RGS3: variants seen among roughly 807,000 people sequenced by gnomAD.
RGS3 encodes the protein regulator of G protein signaling 3, also known as regulator of G-protein signalling 3.
In RGS3, 80 loss-of-function variants were observed where a neutral mutation model predicts 132.6. The ratio of observed to expected loss-of-function variants is 0.60; its 90% CI spans 0.50 to 0.73. The LOEUF (loss-of-function observed/expected upper bound fraction) is 0.73, where lower values mean the gene tolerates loss of function less well. Among genes scored for constraint, RGS3 ranks in the 30% least tolerant of loss-of-function variants. The pLI is 0.00. For synonymous variants in RGS3, 598 were observed against 620.6 expected (o/e 0.96, Z 0.54); for missense variants, 1,382 against 1,530.8 (o/e 0.90, Z 1.62).
chr9:113,465,476 T>TGTGTGTGCGC (rs796647799), intron 3 of RGS3, among the ~76,000 whole-genome samples: 2 of 151,422 alleles, frequency 1.3e-5, no homozygotes, highest in African/African-American at 4.9e-5. Context: ...TGTGTGTGTG[T>TGTGTGTGCGC]GTGTGCCTGT....
At chr9:113,518,495 G>A (rs1229929054) in intron 16 of RGS3, among the ~76,000 whole-genome samples, 1 of 152,228 alleles carries the variant, frequency 6.6e-6, no homozygotes, top group African/African-American at 2.4e-5. Flanking sequence ...TAAGGGCAGG[G>A]TCAGAGGTTG....
intron 17 of RGS3, among the ~76,000 whole-genome samples, chr9:113,527,893 C>T (rs1378104163): frequency 6.6e-6 from 1 of 152,156 alleles, no homozygotes; most frequent in East Asian, 1.9e-4. Context: ...TTTGAGAGGA[C>T]AGAGGAGCTG....
chr9:113,522,813 T>C (rs918267333), intron 16 of RGS3, 117 bp from the exon 15 acceptor site: 19 of 749,204 alleles, frequency 2.5e-5, no homozygotes, highest in African/African-American at 2.2e-4. Context: ...TTGTGTGAGA[T>C]GATGAGGATG....
rs1458520425 is a variant in RGS3, at chr9:113,495,784, A to G, written c.690-2A>G. The G allele has an allele frequency of 6.2e-7, 1 of 1,613,492 alleles. No homozygotes were observed. The highest frequency in any genetic ancestry group is 1.3e-5 in the African/African-American group (1 of 74,932). On this transcript the variant is annotated splice_acceptor_variant, in intron 7 of 24. Transcript: ENST00000350696. LOFTEE classifies it high-confidence loss of function. ...TGACTCAAGTCTCACTTGTTCTCCCAGACAGAGTGGACTCATTGGCTGCAT... is the reference window on the plus strand; with the variant it reads ...TGACTCAAGTCTCACTTGTTCTCCCGGACAGAGTGGACTCATTGGCTGCAT...
intron 11 of RGS3, among the ~76,000 whole-genome samples, chr9:113,505,854 A>G (rs1424400630): frequency 1.3e-5 from 2 of 152,208 alleles, no homozygotes; most frequent in African/African-American, 2.4e-5. Flanking sequence ...GCTGTTTTGT[A>G]TCCTATCCAG....
intron 20 of RGS3, among the ~76,000 whole-genome samples, chr9:113,584,896 G>A (rs1162100362): frequency 1.3e-5 from 2 of 152,160 alleles, no homozygotes; most frequent in East Asian, 1.9e-4. Flanking sequence ...GTATTTTTGT[G>A]CCCATTTTAC....
At chr9:113,589,389 CA>C (rs1397230468) in intron 20 of RGS3, among the ~76,000 whole-genome samples, 1 of 152,176 alleles carries the variant, frequency 6.6e-6, no homozygotes, top group African/African-American at 2.4e-5. Flanking sequence ...GTTTCCCCAG[CA>C]GCCCAGGGGG....
chr9:113,461,655 C>T (rs1829471886), intron 1 of RGS3: 1 of 1,560,518 alleles, frequency 6.4e-7, no homozygotes, highest in East Asian at 2.2e-5. Context: ...AATCTTTGTT[C>T]CCATTACCGG....
chr9:113,551,323 A>G (rs1033452137), intron 19 of RGS3, among the ~76,000 whole-genome samples: 1 of 152,228 alleles, frequency 6.6e-6, no homozygotes, highest in Non-Finnish European at 1.5e-5. Flanking sequence ...TTCATGGCTG[A>G]ATAATATTCT....
chr9:113,504,718 A>T (rs954864365), intron 10 of RGS3, among the ~76,000 whole-genome samples: 1 of 152,222 alleles, frequency 6.6e-6, no homozygotes, highest in African/African-American at 2.4e-5. Flanking sequence ...GAGCATCCAG[A>T]TGGCAAGGCC....
chr9:113,498,954 C>T (rs1343197653), intron 10 of RGS3, among the ~76,000 whole-genome samples: 1 of 144,470 alleles, frequency 6.9e-6, no homozygotes, highest in Non-Finnish European at 1.5e-5. Flanking sequence ...GGACCGGGCA[C>T]GGTGGCTGAT....
intron 17 of RGS3, among the ~76,000 whole-genome samples, chr9:113,527,823 A>G (rs538704519): frequency 6.6e-6 from 1 of 152,156 alleles, no homozygotes; most frequent in South Asian, 2.1e-4. Context: ...GTCTTTGACA[A>G]TTTCTTTACT....
chr9:113,524,897 C>A (rs1832132559), intron 17 of RGS3, among the ~76,000 whole-genome samples: 1 of 152,216 alleles, frequency 6.6e-6, no homozygotes, highest in South Asian at 2.1e-4. Context: ...TGTGCTCCAT[C>A]CTCCACTGGG....
chr9:113,589,080 G>T (rs1317144863), intron 20 of RGS3: 1 of 152,298 alleles, frequency 6.6e-6, no homozygotes, highest in Non-Finnish European at 1.5e-5. Flanking sequence ...TGAAGGAAGG[G>T]CTGTATGGTC....
At chr9:113,515,558 G>C (rs576362218) in intron 15 of RGS3, among the ~76,000 whole-genome samples, 3 of 151,258 alleles carry the variant, frequency 2.0e-5, no homozygotes, top group African/African-American at 7.3e-5. Context: ...TTGAACCTGG[G>C]GGGTGGAGGT....
At chr9:113,474,850 A>T (rs1194579992) in intron 3 of RGS3, among the ~76,000 whole-genome samples, 2 of 152,106 alleles carry the variant, frequency 1.3e-5, no homozygotes, top group Non-Finnish European at 2.9e-5. Flanking sequence ...TCCCACTGGG[A>T]CACATTCCGG....
chr9:113,543,122 G>A (rs1408707157), intron 19 of RGS3, among the ~76,000 whole-genome samples: 1 of 152,256 alleles, frequency 6.6e-6, no homozygotes, highest in African/African-American at 2.4e-5. Flanking sequence ...ATGGGCAAAA[G>A]GGTATCAAGA....
chr9:113,478,159 T>G (rs557923673), intron 3 of RGS3, among the ~76,000 whole-genome samples: 179 of 152,302 alleles, frequency 1.2e-3, no homozygotes, highest in Non-Finnish European at 2.1e-3. Context: ...CACTCATTCT[T>G]GCCCTGCCTT....
intron 1 of RGS3, among the ~76,000 whole-genome samples, chr9:113,461,219 G>C (rs1314867876): frequency 6.6e-6 from 1 of 152,176 alleles, no homozygotes; most frequent in East Asian, 1.9e-4. Flanking sequence ...TATGTGTGGA[G>C]TGTGTGTGCA....
Sources: allele counts gnomAD v4.1 joint callset (sites outside exome capture counted in the v4.1 genomes callset), GRCh38; gene constraint gnomAD v4.1.1; transcripts MANE v1.5; gene names NCBI Gene and HGNC (gene_info 2026-07-23, HGNC 2026-07-21).